The following ATAT1 variants were observed in gnomAD, a reference collection of about 807,000 sequenced individuals.
The protein encoded by ATAT1 is alpha-tubulin N-acetyltransferase 1.
Under a neutral mutation model 57.2 loss-of-function variants are expected in ATAT1, and 42 were observed. The ratio of observed to expected loss-of-function variants is 0.73; its 90% CI spans 0.57 to 0.95. The LOEUF is 0.95. Among genes scored for constraint, ATAT1 ranks in the 40% least tolerant of loss-of-function variants. The pLI, the probability that ATAT1 is intolerant of heterozygous loss-of-function variation, is 0.00. For missense variants in ATAT1, 454 were observed against 523.7 expected, an observed-to-expected ratio of 0.87 and a Z score of 1.30; for synonymous variants, 168 against 187.1, an observed-to-expected ratio of 0.90 and a Z score of 0.83.
rs965506024 is a variant in ATAT1 at position 30,627,097 on chromosome 6, T to C, written c.-107T>C. 71 of 1,563,476 alleles carry C rather than the reference T, an allele frequency of 4.5e-5. No individual in the cohort carries two copies. The highest frequency in any genetic ancestry group is 6.2e-5 in the Non-Finnish European group (71 of 1,152,094). On this transcript the variant is annotated 5_prime_UTR_variant, in exon 1 of 13. Coordinates refer to ENST00000330083, the MANE Select transcript of ATAT1 (RefSeq NM_001031722.4). ...ACTGACTAGTGATCGCCCCTTTTGA[T>C]GTCCAGGCCTGCCTTTTTGGTGACC...
intron 8 of ATAT1, among the ~76,000 whole-genome samples, chr6:30,641,124 C>T (rs1765339656): frequency 6.6e-6 from 1 of 152,034 alleles, no homozygotes; most frequent in Non-Finnish European, 1.5e-5. Context: ...CATACACACA[C>T]ACACACACAC....
At chr6:30,643,741 CTT>C in intron 10 of ATAT1, 2 of 1,379,354 alleles carry the variant, frequency 1.4e-6, no homozygotes, top group Non-Finnish European at 1.9e-6. Flanking sequence ...CTGCCTAACA[CTT>C]TGTAGCTTTT....
In ATAT1 at chr6:30,643,477, C is replaced by T. The variant is rs182511398; in HGVS notation, c.932+466C>T. ...GACTTCTCTGTTTTTCTCTCCCCCGCCCCCCGCCATTTCCCATCTCCCTTC... is the reference window on the plus strand; with the variant it reads ...GACTTCTCTGTTTTTCTCTCCCCCGTCCCCCGCCATTTCCCATCTCCCTTC... On this transcript the variant is annotated intron_variant, in intron 10 of 12. Transcript: ENST00000330083. 55 of 1,548,404 alleles carry T rather than the reference C, an allele frequency of 3.6e-5. No individual in the cohort carries two copies. The East Asian group carries it at 1.2e-3, about 34-fold the overall frequency.
Position 30,642,833 on chromosome 6 carries a change from G to GGGGGGCGCCCCC in ATAT1, c.754_755insGGGGGCGCCCCC (p.Ala252delinsGlyGlyArgProPro). The stretch of plus-strand genomic sequence containing the variant: ...GGCCCCTCGCCGCGCCACACCTCCA[G>GGGGGGCGCCCCC]CCCACCCACCCCCCCGCTCCAGCAG... On this transcript the variant is annotated protein_altering_variant, in exon 10 of 13. Coordinates refer to ENST00000330083, the MANE Select transcript of ATAT1 (RefSeq NM_001031722.4). 1.3e-6 allele frequency: 2 copies of GGGGGGCGCCCCC among 1,537,874 alleles called. No homozygotes were observed. The highest frequency in any genetic ancestry group is 1.7e-6 in the Non-Finnish European group (2 of 1,145,780).
intron 9 of ATAT1, 133 bp downstream of exon 9, chr6:30,642,380 T>G: frequency 7.8e-7 from 1 of 1,280,952 alleles, no homozygotes; most frequent in South Asian, 1.3e-5. Flanking sequence ...TGGTGGCTCA[T>G]GCCTGTAATC....
Position 30,642,833 on chromosome 6 carries a change from G to GGGGCCCCCCCCCCCCCCCC in ATAT1, c.754_755insGGGCCCCCCCCCCCCCCCC (p.Ala252GlyfsTer54). 2.0e-6 allele frequency: 3 copies of GGGGCCCCCCCCCCCCCCCC among 1,537,874 alleles called. No homozygotes were observed. Among genetic ancestry groups the GGGGCCCCCCCCCCCCCCCC allele is most frequent in the Non-Finnish European group, 2.6e-6 (3 of 1,145,782 alleles). On this transcript the variant is annotated frameshift_variant, in exon 10 of 13. Transcript: ENST00000330083. LOFTEE classifies it high-confidence loss of function. ...GGCCCCTCGCCGCGCCACACCTCCAGCCCACCCACCCCCCCGCTCCAGCAG... is the reference window on the plus strand; with the variant it reads ...GGCCCCTCGCCGCGCCACACCTCCAGGGGCCCCCCCCCCCCCCCCCCCACCCACCCCCCCGCTCCAGCAG...
At chr6:30,642,282 G>C (rs377321616) in intron 9 of ATAT1, 35 bp downstream of exon 9, 29 of 1,613,350 alleles carry the variant, frequency 1.8e-5, no homozygotes, top group Middle Eastern at 1.6e-4. Context: ...CTGGGCCTGG[G>C]GTACCTTAAC....
chr6:30,637,706 A>T (rs577127955), intron 6 of ATAT1, among the ~76,000 whole-genome samples: 14 of 151,214 alleles, frequency 9.3e-5, no homozygotes, highest in Non-Finnish European at 1.9e-4. Context: ...GGCCGGACGC[A>T]TTGGCTCGCG....
chr6:30,643,622 C>T, intron 10 of ATAT1: 1 of 1,550,292 alleles, frequency 6.5e-7, no homozygotes, highest in Non-Finnish European at 8.7e-7. Context: ...TCCCTGAGAA[C>T]CTCAGACCCA....
At chr6:30,644,695 T>C in intron 10 of ATAT1, 2 of 920,956 alleles carry the variant, frequency 2.2e-6, no homozygotes, top group Non-Finnish European at 2.6e-6. Flanking sequence ...CAGCCTCATT[T>C]GTGCGTCATC....
At chr6:30,629,524 T>A (rs1473979380) in intron 6 of ATAT1, among the ~76,000 whole-genome samples, 1 of 150,792 alleles carries the variant, frequency 6.6e-6, no homozygotes, top group African/African-American at 2.4e-5. Flanking sequence ...GGATTACAGG[T>A]GTGAGCCACC....
chr6:30,627,069 C>T lies in ATAT1; in HGVS notation c.-135C>T. 1 of 1,549,540 alleles carries T rather than the reference C, an allele frequency of 6.5e-7. No individual in the cohort carries two copies. The highest frequency in any genetic ancestry group is 8.7e-7 in the Non-Finnish European group (1 of 1,143,618). On this transcript the variant is annotated 5_prime_UTR_variant, in exon 1 of 13. Transcript: ENST00000330083. ...CCTGGTCCAGGCACCACGCCCCCTT[C>T]TCACTGACTAGTGATCGCCCCTTTT...
Position 30,628,355 on chromosome 6 carries a change from G to T in ATAT1, c.426G>T (p.Leu142=). 6.2e-7 allele frequency: 1 copy of T among 1,613,036 alleles called. No homozygotes were observed. Among genetic ancestry groups the T allele is most frequent in the Non-Finnish European group, 8.5e-7 (1 of 1,180,038 alleles). Residue 142 remains leucine, a synonymous_variant, in exon 6 of 13, where the codon CTG becomes CTT. Transcript: ENST00000330083. Reference sequence around the variant, plus strand: ...AGGAGCGAGTGGAACCGCACCAACTGGCAATTGACCGACCCTCACAGAAGC... The same window carrying T: ...AGGAGCGAGTGGAACCGCACCAACTTGCAATTGACCGACCCTCACAGAAGC...
rs369213696 is a variant in ATAT1, at chr6:30,627,823, C to G, written c.225-28C>G. The G allele has an allele frequency of 8.1e-6, 13 of 1,611,262 alleles. No individual in the cohort carries two copies. The African/African-American group carries it at 1.6e-4, about 20-fold the overall frequency. ...ATCTCTTGCAGATAGATACCACTAG[C>G]CTGTTCATTATTTTCCCCGTCCTAC... On this transcript the variant is annotated intron_variant, in intron 3 of 12. Transcript: ENST00000330083.
rs184614248 is a variant in ATAT1 at position 30,627,002 on chromosome 6, C to G, written c.-202C>G. 7.2e-4 allele frequency: 1,139 copies of G among 1,581,048 alleles called. 11 individuals are homozygous for G. In the African/African-American group the frequency reaches 0.014, roughly 20 times the overall value. On this transcript the variant is annotated 5_prime_UTR_variant, in exon 1 of 13. Transcript: ENST00000330083. ...CCACAACGCCGGCCCGGTGACAGCT[C>G]AAACCCACCCTCTGGCCCTTTTCTC... is the stretch of plus-strand genomic sequence containing the variant.
chr6:30,627,448 C>G lies in ATAT1; in HGVS notation c.72-12C>G. The G allele has an allele frequency of 6.2e-7, 1 of 1,612,560 alleles. No homozygotes were observed. Among genetic ancestry groups the G allele is most frequent in the Non-Finnish European group, 8.5e-7 (1 of 1,178,626 alleles). On this transcript the variant is annotated splice_polypyrimidine_tract_variant and intron_variant, in intron 1 of 12. Coordinates refer to ENST00000330083, the MANE Select transcript of ATAT1 (RefSeq NM_001031722.4). ...GTGAGTATCTGACTCTTTATTTCTT[C>G]TCTTTCTCTAGTGTTGATCTACAGC... is the stretch of plus-strand genomic sequence containing the variant.
chr6:30,635,537 C>T (rs539953586), intron 6 of ATAT1, among the ~76,000 whole-genome samples: 6 of 150,482 alleles, frequency 4.0e-5, no homozygotes, highest in East Asian at 1.9e-4. Context: ...TGCAGTAAGC[C>T]GAGATCATGC....
chr6:30,646,799 AAAAGT>A lies in ATAT1; in HGVS notation c.*158_*162del. 5.7e-6 allele frequency: 7 copies of A among 1,228,290 alleles called. No homozygotes were observed. The South Asian group carries it at 1.2e-4, about 21-fold the overall frequency. 76.1% of individuals were successfully genotyped at this position (1,228,290 alleles called of 1,614,324 possible). A position where few individuals can be genotyped will look rare whatever the true frequency, so the allele number is the denominator to read the frequency against. ...ATTTGTATCTTTTAACCAGACCAAT[AAAAGT>A]ATTTATTTTTATCACAAGAGCTGTT... On this transcript the variant is annotated 3_prime_UTR_variant, in exon 13 of 13. Transcript: ENST00000330083.
chr6:30,632,609 T>C (rs1286139596), intron 6 of ATAT1, among the ~76,000 whole-genome samples: 1 of 151,798 alleles, frequency 6.6e-6, no homozygotes, highest in East Asian at 1.9e-4. Flanking sequence ...GTGATCTTGA[T>C]TTTTTCCTTT....
Sources: gnomAD v4.1 joint callset for allele counts (sites outside exome capture counted in the v4.1 genomes callset) on GRCh38, gnomAD v4.1.1 for gene constraint, MANE v1.5 for transcripts, NCBI Gene and HGNC (gene_info 2026-07-23, HGNC 2026-07-21) for gene names.